Variants in NDST3 observed in about 807,000 individuals in gnomAD.
The protein encoded by NDST3 is N-deacetylase and N-sulfotransferase 3, also known as bifunctional heparan sulfate N-deacetylase/N-sulfotransferase 3.
A neutral mutation model predicts 96.1 loss-of-function variants in NDST3; 58 were observed. The ratio of observed to expected loss-of-function variants is 0.60; its 90% CI spans 0.49 to 0.75. The LOEUF (loss-of-function observed/expected upper bound fraction) is 0.75. Among genes scored for constraint, NDST3 ranks in the 30% least tolerant of loss-of-function variants. NDST3 has a pLI of 0.00. For synonymous variants in NDST3, 333 were observed against 359.7 expected, an observed-to-expected ratio of 0.93 and a Z score of 0.84; for missense variants, 788 against 1,034.2, an observed-to-expected ratio of 0.76 and a Z score of 3.27.
intron 2 of NDST3, among the ~76,000 whole-genome samples, chr4:118,061,097 C>G (rs184428589): frequency 6.6e-6 from 1 of 152,154 alleles, no homozygotes; most frequent in African/African-American, 2.4e-5. Context: ...AACCCTCCAG[C>G]AACTTCCAGT....
intron 1 of NDST3, among the ~76,000 whole-genome samples, chr4:118,049,776 T>C (rs955565903): frequency 1.7e-4 from 25 of 150,282 alleles, no homozygotes; most frequent in Admixed American, 1.5e-3. Flanking sequence ...CTGGAGCAGA[T>C]GGATTCACAG....
intron 4 of NDST3, among the ~76,000 whole-genome samples, chr4:118,119,083 C>T (rs977037998): frequency 9.2e-5 from 14 of 152,160 alleles, no homozygotes; most frequent in Non-Finnish European, 1.3e-4. Flanking sequence ...AACAATGTTC[C>T]TGATAACATA....
chr4:118,097,049 C>T (rs916092831), intron 2 of NDST3, among the ~76,000 whole-genome samples: 4 of 151,924 alleles, frequency 2.6e-5, no homozygotes, highest in African/African-American at 7.2e-5. Context: ...ATGAGGGCCA[C>T]CATCTTTAGA....
intron 6 of NDST3, among the ~76,000 whole-genome samples, chr4:118,158,656 A>G (rs1282254930): frequency 6.6e-6 from 1 of 152,226 alleles, no homozygotes; most frequent in Admixed American, 6.5e-5. Flanking sequence ...TTACTTATTA[A>G]TTACAAAGAG....
chr4:118,105,442 C>T (rs2125851182), intron 3 of NDST3, among the ~76,000 whole-genome samples: 1 of 152,280 alleles, frequency 6.6e-6, no homozygotes, highest in South Asian at 2.1e-4. Flanking sequence ...AAAATCTCCA[C>T]TTCTTGTGCC....
intron 3 of NDST3, among the ~76,000 whole-genome samples, chr4:118,113,633 G>A (rs2125863377): frequency 6.6e-6 from 1 of 152,312 alleles, no homozygotes; most frequent in African/African-American, 2.4e-5. Flanking sequence ...ATGTTAACAG[G>A]AACTGGGTTT....
At position 118,255,654 on chromosome 4, in the gene NDST3, A is replaced by C; in HGVS notation, c.2564A>C (p.His855Pro). 1 of 1,613,900 alleles carries C rather than the reference A, an allele frequency of 6.2e-7. No homozygotes were observed. The highest frequency in any genetic ancestry group is 8.5e-7 in the Non-Finnish European group (1 of 1,179,836). Residue 855 changes from histidine (H) to proline (P), a missense_variant, in exon 14 of 14, where the codon CAC (histidine) becomes CCC (proline). Coordinates refer to ENST00000296499, the MANE Select transcript of NDST3 (RefSeq NM_004784.3). ...AACGTGGAACTCTCAAAGCTGCTGC[A>C]CAAACTGGGTCAGCCTCTGCCATCC... ...DHNVELSKLL[H>P]KLGQPLPSWL...
intron 4 of NDST3, among the ~76,000 whole-genome samples, chr4:118,134,553 C>G (rs1289172805): frequency 6.6e-6 from 1 of 152,108 alleles, no homozygotes; most frequent in African/African-American, 2.4e-5. Flanking sequence ...AGAGATAGTA[C>G]TGATAGGACA....
At chr4:118,160,676 T>C (rs1407127649) in intron 6 of NDST3, among the ~76,000 whole-genome samples, 1 of 152,234 alleles carries the variant, frequency 6.6e-6, no homozygotes, top group Non-Finnish European at 1.5e-5. Context: ...TCCTGAGGCT[T>C]CTGCATTCTT....
At chr4:118,047,256 T>A (rs562705529) in intron 1 of NDST3, among the ~76,000 whole-genome samples, 1 of 152,288 alleles carries the variant, frequency 6.6e-6, no homozygotes, top group African/African-American at 2.4e-5. Context: ...CAAATCCAAC[T>A]GAAGTACTCA....
chr4:118,223,818 T>C (rs1028192805), intron 6 of NDST3, among the ~76,000 whole-genome samples: 3 of 152,104 alleles, frequency 2.0e-5, no homozygotes, highest in Admixed American at 6.6e-5. Context: ...TGATCTTTTT[T>C]ATAGCAGCAT....
At chr4:118,138,296 A>T in intron 5 of NDST3, 57 bp downstream of exon 5, 1 of 1,431,106 alleles carries the variant, frequency 7.0e-7, no homozygotes, top group South Asian at 1.5e-5. Flanking sequence ...TTCATTCCTC[A>T]CTTGAAGAAA....
intron 6 of NDST3, among the ~76,000 whole-genome samples, chr4:118,154,077 A>G (rs959395510): frequency 6.6e-6 from 1 of 152,190 alleles, no homozygotes; most frequent in Non-Finnish European, 1.5e-5. Flanking sequence ...GTACACACAC[A>G]GAGACACAAC....
intron 1 of NDST3, among the ~76,000 whole-genome samples, chr4:118,042,541 T>C (rs1724529625): frequency 6.6e-6 from 1 of 152,232 alleles, no homozygotes; most frequent in African/African-American, 2.4e-5. Context: ...CAAATCCCTC[T>C]GTTCAAATGC....
At chr4:118,202,784 C>T (rs1292978628) in intron 6 of NDST3, among the ~76,000 whole-genome samples, 1 of 152,092 alleles carries the variant, frequency 6.6e-6, no homozygotes, top group East Asian at 1.9e-4. Flanking sequence ...GACTTCCTTT[C>T]CTATTTGGAT....
intron 6 of NDST3, among the ~76,000 whole-genome samples, chr4:118,198,372 ACGTTATAACC>A (rs1737838535): frequency 1.3e-5 from 2 of 152,194 alleles, no homozygotes; most frequent in South Asian, 4.1e-4. Context: ...TGCAAATACT[ACGTTATAACC>A]CATTATTTTA....
chr4:118,110,068 C>T (rs1273156338), intron 3 of NDST3, among the ~76,000 whole-genome samples: 1 of 151,936 alleles, frequency 6.6e-6, no homozygotes, highest in Non-Finnish European at 1.5e-5. Flanking sequence ...TTAAAGGGGC[C>T]CAAGGTCACA....
chr4:118,133,615 G>C (rs1732825564), intron 4 of NDST3, among the ~76,000 whole-genome samples: 1 of 152,150 alleles, frequency 6.6e-6, no homozygotes, highest in South Asian at 2.1e-4. Context: ...CCTTCCTGCA[G>C]GGGGTACAAA....
chr4:118,216,533 A>C (rs977278799), intron 6 of NDST3, among the ~76,000 whole-genome samples: 2 of 152,122 alleles, frequency 1.3e-5, no homozygotes, highest in African/African-American at 4.8e-5. Context: ...AGTAAATTAA[A>C]GTACTGAGAG....
Sources: gnomAD v4.1 joint callset for allele counts (sites outside exome capture counted in the v4.1 genomes callset) on GRCh38, gnomAD v4.1.1 for gene constraint, MANE v1.5 for transcripts, NCBI Gene and HGNC (gene_info 2026-07-23, HGNC 2026-07-21) for gene names.